The following ALG8 variants were observed in gnomAD, a reference collection of about 807,000 sequenced individuals.
ALG8 encodes the protein dolichyl pyrophosphate Glc1Man9GlcNAc2 alpha-1,3-glucosyltransferase.
Under a neutral mutation model 70.2 loss-of-function variants are expected in ALG8, and 48 were observed. The observed-to-expected ratio is 0.68, with a 90% CI of 0.54 to 0.87. The LOEUF (loss-of-function observed/expected upper bound fraction) is 0.87, where lower values mean the gene tolerates loss of function less well. Ranked by LOEUF, ALG8 falls within the 40% of genes least tolerant of loss-of-function variation. The pLI is 0.00. For synonymous variants in ALG8, 234 were observed against 229.0 expected (o/e 1.02, Z -0.20); for missense variants, 572 against 608.7 (o/e 0.94, Z 0.64).
chr11:78,130,977 C>T (rs1861285657), intron 1 of ALG8, among the ~76,000 whole-genome samples: 1 of 152,104 alleles, frequency 6.6e-6, no homozygotes, highest in East Asian at 1.9e-4. Context: ...TGTTTCATAG[C>T]ATCTGTTCTT....
chr11:78,104,565 C>T, intron 10 of ALG8, 112 bp from the exon 11 acceptor site: 1 of 972,850 alleles, frequency 1.0e-6, no homozygotes, highest in Non-Finnish European at 1.5e-6. Context: ...GAAGAACATG[C>T]TGATTTTGGC....
chr11:78,117,766 A>C (rs1037869232), intron 5 of ALG8, among the ~76,000 whole-genome samples: 5 of 151,256 alleles, frequency 3.3e-5, no homozygotes, highest in African/African-American at 1.2e-4. Context: ...TGACAGAGCA[A>C]GACTCCAACT....
chr11:78,114,478 C>T, intron 5 of ALG8, 86 bp from the exon 6 acceptor site: 3 of 1,512,994 alleles, frequency 2.0e-6, no homozygotes, highest in Non-Finnish European at 2.7e-6. Flanking sequence ...AATCCTGGAA[C>T]AGAACAAGGA....
chr11:78,138,897 C>A, intron 1 of ALG8: 1 of 425,920 alleles, frequency 2.3e-6, no homozygotes. Context: ...ACTTTCTGTT[C>A]CTAGAATGCT....
chr11:78,118,117 T>C (rs1860661890), intron 5 of ALG8, among the ~76,000 whole-genome samples: 1 of 151,952 alleles, frequency 6.6e-6, no homozygotes, highest in Admixed American at 6.6e-5. Context: ...TATGTAATCT[T>C]AGTAGCCATG....
chr11:78,109,702 C>CAA lies in ALG8; in HGVS notation c.899-122_899-121insTT, dbSNP rs1860196199. On this transcript the variant is annotated intron_variant, in intron 8 of 12. Transcript: ENST00000299626. The stretch of plus-strand genomic sequence containing the variant: ...ACTAAATCTTATTGCTGCTTAAAGG[C>CAA]TAAGATTTCATGAATTTAATCCTAT... 2.0e-6 allele frequency: 2 copies of CAA among 1,000,056 alleles called. 1 individual carries two copies. The highest frequency in any genetic ancestry group is 4.1e-5 in the Admixed American group (2 of 48,510). 61.9% of individuals were successfully genotyped at this position (1,000,056 alleles called of 1,614,324 possible).
At chr11:78,114,231 T>A (rs767435809) in intron 6 of ALG8, 35 bp downstream of exon 6, 1 of 1,613,320 alleles carries the variant, frequency 6.2e-7, no homozygotes, top group Admixed American at 1.7e-5. Flanking sequence ...AAGGGAAAAA[T>A]CGAAAATGTT....
chr11:78,138,440 C>A (rs1297668490), intron 1 of ALG8, among the ~76,000 whole-genome samples: 1 of 151,692 alleles, frequency 6.6e-6, no homozygotes, highest in Non-Finnish European at 1.5e-5. Context: ...ATCTTATGCA[C>A]AGACCTACAG....
intron 1 of ALG8, among the ~76,000 whole-genome samples, chr11:78,133,696 C>T (rs990816500): frequency 2.6e-5 from 4 of 151,950 alleles, no homozygotes; most frequent in Admixed American, 6.6e-5. Context: ...GTCAGGAGAT[C>T]GAGACCACCC....
rs548977502 is a variant in ALG8, at chr11:78,106,113, A to C, written c.1178+694T>G. On this transcript the variant is annotated intron_variant, in intron 10 of 12. Transcript: ENST00000299626. ...AGTATCAGGTATTATTCCAGAATAG[A>C]CTAAATCCTTACTTTGACTAACAAC... Among the ~76,000 whole-genome samples the C allele has an allele frequency of 1.6e-4, 25 of 152,334 alleles. 1 individual carries two copies. The South Asian group carries it at 4.3e-3, about 26-fold the overall frequency.
Position 78,119,192 on chromosome 11 carries a change from C to T in ALG8, c.536G>A (p.Arg179Gln), listed in dbSNP as rs769462985. ...LFGLMLLSIARLFQKRHMEGA... is the reference protein window; with the variant it reads ...LFGLMLLSIAQLFQKRHMEGA... ...AACAATTATGTTTACCTGAAATAAT[C>T]GTGCAATGGAGAGTAGCATTAATCC... is the stretch of plus-strand genomic sequence containing the variant. Residue 179 changes from arginine (R) to glutamine (Q), a missense_variant, in exon 5 of 13, where the codon CGA becomes CAA. Coordinates refer to ENST00000299626, the MANE Select transcript of ALG8 (RefSeq NM_024079.5). The T allele has an allele frequency of 1.7e-5, 27 of 1,606,206 alleles. No homozygotes were observed. The highest frequency in any genetic ancestry group is 1.0e-4 in the Admixed American group (6 of 59,940).
intron 5 of ALG8, among the ~76,000 whole-genome samples, chr11:78,117,777 CTTAAG>C (rs1439572673): frequency 6.8e-6 from 1 of 148,062 alleles, no homozygotes; most frequent in Admixed American, 6.7e-5. Context: ...GACTCCAACT[CTTAAG>C]AAAAAAAAAA....
At position 78,112,892 on chromosome 11, in the gene ALG8, G is replaced by GT. The variant is rs529039272; in HGVS notation, c.778-123dup. ...AGTTATGGGGTCTGGGTTCTAGTAA[G>GT]TAAGTGGTTATATGCTCACCACAAT... On this transcript the variant is annotated intron_variant, in intron 7 of 12. Transcript: ENST00000299626. The GT allele has an allele frequency of 2.5e-4, 314 of 1,233,572 alleles. 2 individuals carry two copies. In the African/African-American group the frequency reaches 4.4e-3, roughly 17 times the overall value. 76.4% of individuals were successfully genotyped at this position (1,233,572 alleles called of 1,614,324 possible).
rs578903 is a variant in ALG8 at position 78,127,634 on chromosome 11, C to T, written c.96-198G>A. Among the ~76,000 whole-genome samples, 32,939 of 151,528 alleles carry T rather than the reference C, an allele frequency of 0.22. 4,420 individuals are homozygous for T. The highest frequency in any genetic ancestry group is 0.38 in the African/African-American group (15,642 of 41,194). On this transcript the variant is annotated intron_variant, in intron 1 of 12. Coordinates refer to ENST00000299626, the MANE Select transcript of ALG8 (RefSeq NM_024079.5). ...TCAGATCTTCTAGAAAGTTGTTGAG[C>T]AATCTACAAGTCAGTGAAAAGGGTC... is the stretch of plus-strand genomic sequence containing the variant.
chr11:78,107,500 T>G (rs143641381), intron 9 of ALG8, among the ~76,000 whole-genome samples: 2,005 of 149,032 alleles, frequency 0.013, 51 homozygotes, highest in African/African-American at 0.045. Context: ...ATTACAGGTT[T>G]GAGCCACCGC....
intron 2 of ALG8, 72 bp from the exon 3 acceptor site, chr11:78,124,286 T>C (rs1046375480): frequency 1.3e-6 from 2 of 1,505,546 alleles, no homozygotes; most frequent in East Asian, 2.3e-5. Context: ...CGATTTAAAA[T>C]TTTTCATTCT....
At chr11:78,132,462 C>G (rs1861345178) in intron 1 of ALG8, among the ~76,000 whole-genome samples, 1 of 152,208 alleles carries the variant, frequency 6.6e-6, no homozygotes, top group Non-Finnish European at 1.5e-5. Flanking sequence ...ATCATTTCCA[C>G]TGAGCTTATA....
intron 1 of ALG8, among the ~76,000 whole-genome samples, chr11:78,134,014 A>C (rs1468403554): frequency 6.6e-6 from 1 of 152,228 alleles, no homozygotes; most frequent in Non-Finnish European, 1.5e-5. Flanking sequence ...AACAAAGCTA[A>C]TGATCATCTG....
At chr11:78,104,821 G>C (rs1040667966) in intron 10 of ALG8, among the ~76,000 whole-genome samples, 1 of 152,030 alleles carries the variant, frequency 6.6e-6, no homozygotes, top group Non-Finnish European at 1.5e-5. Context: ...AAAATTAGCT[G>C]GGCATGGTGG....
Sources: gnomAD v4.1 joint callset for allele counts (sites outside exome capture counted in the v4.1 genomes callset) on GRCh38, gnomAD v4.1.1 for gene constraint, MANE v1.5 for transcripts, NCBI Gene and HGNC (gene_info 2026-07-23, HGNC 2026-07-21) for gene names.